GATA4: variants seen among roughly 807,000 people sequenced by gnomAD.
The protein encoded by GATA4 is GATA binding protein 4.
Under a neutral mutation model 37.9 loss-of-function variants are expected in GATA4, and 7 were observed. That is an observed-to-expected ratio of 0.18 (90% CI 0.11 to 0.35). The LOEUF is 0.35. Ranked by LOEUF, GATA4 falls within the 10% of genes least tolerant of loss-of-function variation. The probability of loss-of-function intolerance (pLI) is 1.00; values close to 1 mark genes in which losing one functional copy is unlikely to be tolerated. For synonymous variants in GATA4, 372 were observed against 292.6 expected (o/e 1.27, Z -2.77); for missense variants, 647 against 653.0 (o/e 0.99, Z 0.10).
intron 1 of GATA4, among the ~76,000 whole-genome samples, chr8:11,679,870 G>C (rs1036494318): frequency 2.6e-5 from 4 of 152,242 alleles, no homozygotes; most frequent in African/African-American, 9.6e-5. Flanking sequence ...AAATGAGGAA[G>C]AGGGTAACAG....
chr8:11,758,911 C>A lies in GATA4; in HGVS notation c.*436C>A. 3.2e-6 allele frequency: 1 copy of A among 308,116 alleles called. No individual in the cohort carries two copies. The highest frequency in any genetic ancestry group is 8.3e-5 in the East Asian group (1 of 12,028). 19.1% of individuals were successfully genotyped at this position (308,116 alleles called of 1,614,324 possible). On this transcript the variant is annotated 3_prime_UTR_variant, in exon 7 of 7. Transcript: ENST00000532059. Reference sequence around the variant, plus strand: ...CCATGTACCTGGATGCGACGGGCCCCTGGGGACAGGCCCTTGCCCCATCCA... The same window carrying A: ...CCATGTACCTGGATGCGACGGGCCCATGGGGACAGGCCCTTGCCCCATCCA...
intron 2 of GATA4, among the ~76,000 whole-genome samples, chr8:11,725,842 G>A (rs763427018): frequency 1.0e-3 from 154 of 152,090 alleles, no homozygotes; most frequent in Non-Finnish European, 1.5e-3. Context: ...AGCCAGTGGC[G>A]GGAAAGGGGC....
chr8:11,683,819 CA>C (rs1330692285), intron 1 of GATA4, among the ~76,000 whole-genome samples: 9 of 152,224 alleles, frequency 5.9e-5, no homozygotes, highest in African/African-American at 1.9e-4. Flanking sequence ...TCCCTCCCCA[CA>C]ATGCCTGGGC....
intron 1 of GATA4, 88 bp downstream of exon 1, chr8:11,704,392 A>C (rs1027770910): frequency 6.6e-6 from 1 of 152,106 alleles, no homozygotes; most frequent in African/African-American, 2.4e-5. Context: ...GGAGGTAGAG[A>C]GGTAGCTAGT....
chr8:11,744,418 G>C (rs1341422224), intron 2 of GATA4, among the ~76,000 whole-genome samples: 8 of 152,134 alleles, frequency 5.3e-5, no homozygotes, highest in Non-Finnish European at 8.8e-5. Context: ...AGGAGTTCCC[G>C]GGATGCCAGC....
chr8:11,686,234 T>G (rs1436471820), intron 1 of GATA4, among the ~76,000 whole-genome samples: 1 of 151,258 alleles, frequency 6.6e-6, no homozygotes, highest in Non-Finnish European at 1.5e-5. Flanking sequence ...TTTTTTAATC[T>G]TAATGTAGCA....
At chr8:11,744,624 C>T (rs1563224318) in intron 2 of GATA4, among the ~76,000 whole-genome samples, 1 of 152,158 alleles carries the variant, frequency 6.6e-6, no homozygotes, top group Non-Finnish European at 1.5e-5. Flanking sequence ...ATTGTAGGGC[C>T]AACGTTTTCC....
chr8:11,726,557 G>C (rs1800933415), intron 2 of GATA4, among the ~76,000 whole-genome samples: 1 of 152,250 alleles, frequency 6.6e-6, no homozygotes, highest in East Asian at 1.9e-4. Context: ...CTAAGGGCTG[G>C]TGCACATGTG....
chr8:11,697,167 GTTCA>G (rs1302717007), intron 1 of GATA4, among the ~76,000 whole-genome samples: 1 of 152,210 alleles, frequency 6.6e-6, no homozygotes, highest in East Asian at 1.9e-4. Context: ...GCAACTTGCT[GTTCA>G]TTAGCACCTC....
intron 6 of GATA4, 151 bp from the exon 7 acceptor site, chr8:11,758,142 G>C (rs1802697323): frequency 1.3e-6 from 1 of 747,992 alleles, no homozygotes; most frequent in African/African-American, 1.7e-5. Context: ...ACCGGGATCA[G>C]GAGAAACAGA....
Position 11,750,206 on chromosome 8 carries a change from T to C in GATA4, c.882T>C (p.Asn294=), listed in dbSNP as rs2130313423. Residue 294 remains asparagine (N), a synonymous_variant, in exon 4 of 7, where the codon AAT becomes AAC. Coordinates refer to ENST00000532059, the MANE Select transcript of GATA4 (RefSeq NM_001308093.3). The part of the protein sequence containing the change: ...RRNAEGEPVC[N]ACGLYMKLHG... The stretch of plus-strand genomic sequence containing the variant: ...ATGCGGAGGGCGAGCCTGTGTGCAA[T>C]GCCTGCGGCCTCTACATGAAGCTCC... The C allele has an allele frequency of 6.2e-7, 1 of 1,613,606 alleles. No individual in the cohort carries two copies. The highest frequency in any genetic ancestry group is 2.2e-5 in the East Asian group (1 of 44,890).
At chr8:11,702,060 G>C (rs898322748), upstream of GATA4, among the ~76,000 whole-genome samples, 1 of 152,220 alleles carries the variant, frequency 6.6e-6, no homozygotes, top group South Asian at 2.1e-4. This position sits in a 1 kb window ranked among gnomAD's most constrained non-coding sequence, Gnocchi z 4.4. Flanking sequence ...CAGAGCAGGG[G>C]GTTGAAGTTT....
At chr8:11,696,992 G>A (rs917088368) in intron 1 of GATA4, among the ~76,000 whole-genome samples, 1 of 152,220 alleles carries the variant, frequency 6.6e-6, no homozygotes, top group African/African-American at 2.4e-5. Context: ...GAGGCCCCCC[G>A]GGGAGATGGT....
chr8:11,683,969 C>A (rs1159838953), intron 1 of GATA4, among the ~76,000 whole-genome samples: 1 of 152,246 alleles, frequency 6.6e-6, no homozygotes, highest in African/African-American at 2.4e-5. Flanking sequence ...TAAACTTGGA[C>A]TGCTGAGCCC....
In GATA4 at chr8:11,757,042, G is replaced by GGCC; in HGVS notation, c.1109_1111dup (p.Gly370_Leu371insArg). The GGCC allele has an allele frequency of 6.2e-7, 1 of 1,614,214 alleles. No individual in the cohort carries two copies. The highest frequency in any genetic ancestry group is 8.5e-7 in the Non-Finnish European group (1 of 1,180,048). ...GATGCGTCCCATCAAGACGGAGCCT[G>GGCC]GCCTGTCATCTCACTACGGGCACAG... On this transcript the variant is annotated inframe_insertion, in exon 6 of 7. Transcript: ENST00000532059.
intron 2 of GATA4, among the ~76,000 whole-genome samples, chr8:11,743,645 C>T (rs2130279218): frequency 6.6e-6 from 1 of 152,344 alleles, no homozygotes; most frequent in East Asian, 1.9e-4. Context: ...CTGGCCTCCC[C>T]TTGTTGGGGT....
At chr8:11,753,861 A>C (rs576945224) in intron 4 of GATA4, among the ~76,000 whole-genome samples, 5 of 152,312 alleles carry the variant, frequency 3.3e-5, no homozygotes, top group African/African-American at 1.2e-4. Context: ...CAAGCACAGC[A>C]TAGAAAAGGG....
intron 1 of GATA4, among the ~76,000 whole-genome samples, chr8:11,680,043 G>T (rs1020577051): frequency 2.0e-5 from 3 of 152,246 alleles, no homozygotes; most frequent in African/African-American, 7.2e-5. Flanking sequence ...GGGGTCTCCT[G>T]CCAGGGGGCT....
In GATA4 at chr8:11,726,068, G is replaced by C. The variant is rs927773721; in HGVS notation, c.616+17140G>C. 8.5e-5 allele frequency among the ~76,000 whole-genome samples: 13 copies of C among 152,274 alleles called. 1 individual carries two copies. The South Asian group carries it at 1.5e-3, about 17-fold the overall frequency. On this transcript the variant is annotated intron_variant, in intron 2 of 6. Coordinates refer to ENST00000532059, the MANE Select transcript of GATA4 (RefSeq NM_001308093.3). ...AGAATTATGCCACATTTCCTTCTGG[G>C]GTCCGGAATACCATCACCTGGTACA...
Sources: gnomAD v4.1 joint callset for allele counts (sites outside exome capture counted in the v4.1 genomes callset) on GRCh38, gnomAD v4.1.1 for gene constraint, Gnocchi (gnomAD v3.1) non-coding constraint, MANE v1.5 for transcripts, NCBI Gene and HGNC (gene_info 2026-07-23, HGNC 2026-07-21) for gene names.